OSTM1: variants seen among roughly 807,000 people sequenced by gnomAD.
OSTM1 encodes the protein osteoclastogenesis associated transmembrane protein 1, also known as osteopetrosis-associated transmembrane protein 1.
A neutral mutation model predicts 35.4 loss-of-function variants in OSTM1; 26 were observed. The observed-to-expected ratio is 0.73, with a 90% CI of 0.54 to 1.02. OSTM1 has a LOEUF of 1.02. OSTM1 is among the 50% of genes least tolerant of loss of function. The pLI, the probability that OSTM1 is intolerant of heterozygous loss-of-function variation, is 0.00. For missense variants in OSTM1, 366 were observed against 409.6 expected (o/e 0.89, Z 0.92); for synonymous variants, 181 against 165.0 (o/e 1.10, Z -0.75).
intron 3 of OSTM1, among the ~76,000 whole-genome samples, chr6:108,052,876 A>G (rs984072348): frequency 9.2e-5 from 14 of 152,186 alleles, no homozygotes. Context: ...AGTAATTCAG[A>G]TAAGATGCAC....
Position 108,044,585 on chromosome 6 carries a change from G to T in OSTM1, c.*200C>A. 2.1e-6 allele frequency: 1 copy of T among 465,282 alleles called. No homozygotes were observed. 28.8% of individuals were successfully genotyped at this position (465,282 alleles called of 1,614,324 possible). ...AAAATAGATAACATTGCTATGCCTG[G>T]AAATTAAAAATATCCAAATCTGTTA... On this transcript the variant is annotated 3_prime_UTR_variant, in exon 6 of 6. Transcript: ENST00000193322.
At chr6:108,064,921 AG>A (rs1396567667) in intron 1 of OSTM1, among the ~76,000 whole-genome samples, 1 of 152,208 alleles carries the variant, frequency 6.6e-6, no homozygotes, top group East Asian at 1.9e-4. Flanking sequence ...GAAAAGAGGG[AG>A]AAAAGGAAGA....
At chr6:108,072,981 G>GT (rs1353104255) in intron 1 of OSTM1, among the ~76,000 whole-genome samples, 1 of 152,136 alleles carries the variant, frequency 6.6e-6, no homozygotes, top group African/African-American at 2.4e-5. Context: ...GATAATTTTT[G>GT]TATTTTTAGT....
In OSTM1 at chr6:108,042,968, C is replaced by T. The variant is rs979434928; in HGVS notation, c.*1817G>A. 2.6e-5 allele frequency: 4 copies of T among 152,084 alleles called. No homozygotes were observed. Among genetic ancestry groups the T allele is most frequent in the East Asian group, 1.9e-4 (1 of 5,198 alleles). The allele number at this position is 152,084 out of a possible 1,614,324, so 9.4% of individuals were successfully genotyped here. The stretch of plus-strand genomic sequence containing the variant: ...GAAAAACTTACACACTTTAGGGTAG[C>T]GCTTAATACTTATCTTTGAAATCTA... On this transcript the variant is annotated 3_prime_UTR_variant, in exon 6 of 6. Transcript: ENST00000193322.
intron 1 of OSTM1, among the ~76,000 whole-genome samples, chr6:108,065,773 T>C (rs116840652): frequency 0.017 from 2,535 of 152,298 alleles, 67 homozygotes; most frequent in African/African-American, 0.058. Context: ...TGAAGTGCTC[T>C]AAGTAGGTTT....
intron 2 of OSTM1, among the ~76,000 whole-genome samples, chr6:108,062,991 C>G (rs938333997): frequency 1.8e-4 from 2 of 11,078 alleles, no homozygotes; most frequent in East Asian, 3.2e-3. Context: ...CTGTGACTAC[C>G]TGCAATGTCC....
At chr6:108,058,563 T>A (rs533196599) in intron 2 of OSTM1, among the ~76,000 whole-genome samples, 4 of 152,266 alleles carry the variant, frequency 2.6e-5, no homozygotes, top group African/African-American at 9.6e-5. Flanking sequence ...CCGAGGCAGG[T>A]GGATCACGAG....
At chr6:108,060,788 AG>A (rs1772259325) in intron 2 of OSTM1, 1 of 152,220 alleles carries the variant, frequency 6.6e-6, no homozygotes, top group Non-Finnish European at 1.5e-5. Flanking sequence ...ATATAAATTT[AG>A]TCACATCTGT....
At chr6:108,067,828 T>TTAAAA (rs1772406181) in intron 1 of OSTM1, among the ~76,000 whole-genome samples, 1 of 77,802 alleles carries the variant, frequency 1.3e-5, no homozygotes, top group Non-Finnish European at 2.5e-5. Context: ...AGCCTCTGTC[T>TTAAAA]AAAAAAAAAA....
chr6:108,065,915 T>C (rs941675300), intron 1 of OSTM1, among the ~76,000 whole-genome samples: 5 of 152,134 alleles, frequency 3.3e-5, no homozygotes, highest in African/African-American at 9.7e-5. Flanking sequence ...AAGATATCAA[T>C]GTAGTTTTGA....
At chr6:108,066,637 G>A (rs1372986833) in intron 1 of OSTM1, among the ~76,000 whole-genome samples, 2 of 152,312 alleles carry the variant, frequency 1.3e-5, no homozygotes, top group Non-Finnish European at 1.5e-5. Context: ...GAGTGTGAAA[G>A]TGAGATCAGA....
At chr6:108,044,926 T>A in intron 5 of OSTM1, 86 bp from the exon 6 acceptor site, 1 of 657,968 alleles carries the variant, frequency 1.5e-6, no homozygotes, top group Non-Finnish European at 2.4e-6. Flanking sequence ...CTATAGTATT[T>A]ATCTATTAAT....
At chr6:108,071,360 T>C (rs959400596) in intron 1 of OSTM1, among the ~76,000 whole-genome samples, 2 of 150,818 alleles carry the variant, frequency 1.3e-5, no homozygotes, top group African/African-American at 4.9e-5. Context: ...GGTTGGAGAG[T>C]GGTGGCACTA....
chr6:108,065,458 G>A (rs958241774), intron 1 of OSTM1, among the ~76,000 whole-genome samples: 1 of 150,992 alleles, frequency 6.6e-6, no homozygotes, highest in Admixed American at 6.6e-5. Context: ...GACTGGTCTC[G>A]AACTCCTGAC....
chr6:108,049,391 G>T lies in OSTM1; in HGVS notation c.811C>A (p.Arg271=). 1.9e-6 allele frequency: 3 copies of T among 1,613,738 alleles called. No individual in the cohort carries two copies. The South Asian group carries it at 3.3e-5, about 18-fold the overall frequency. Residue 271 remains arginine, a synonymous_variant, in exon 5 of 6, where the codon CGA becomes AGA. Transcript: ENST00000193322. ...AMNITRKLWS[R]TFNCSVPCSD... Reference sequence around the variant, plus strand: ...CAAGGGACTGAACAGTTGAAAGTTCGACTCCATAGTTTTCGAGTGATGTTC... The same window carrying T: ...CAAGGGACTGAACAGTTGAAAGTTCTACTCCATAGTTTTCGAGTGATGTTC...
intron 2 of OSTM1, 80 bp downstream of exon 2, chr6:108,064,105 T>C: frequency 5.1e-6 from 4 of 789,550 alleles, no homozygotes; most frequent in Non-Finnish European, 9.0e-6. Context: ...GCTTCAAAGA[T>C]CCCAAAATTC....
intron 5 of OSTM1, among the ~76,000 whole-genome samples, chr6:108,048,830 C>A (rs1412836919): frequency 6.8e-6 from 1 of 146,646 alleles, no homozygotes; most frequent in Non-Finnish European, 1.5e-5. Context: ...CGGTTCACTG[C>A]AACCTCCGCC....
chr6:108,068,133 T>C (rs1329433553), intron 1 of OSTM1, among the ~76,000 whole-genome samples: 1 of 152,204 alleles, frequency 6.6e-6, no homozygotes, highest in Non-Finnish European at 1.5e-5. Context: ...CCCTTCCCTT[T>C]TCCTTGATTT....
Position 108,074,535 on chromosome 6 carries a change from C to T in OSTM1, c.117G>A (p.Pro39=). The T allele has an allele frequency of 6.4e-7, 1 of 1,556,646 alleles. No individual in the cohort carries two copies. ...ACAGGAGGTCGTGGAAGACCCTGTGCGGACTGCTGCCGAAGGGGAGCGCGC... is the reference window on the plus strand; with the variant it reads ...ACAGGAGGTCGTGGAAGACCCTGTGTGGACTGCTGCCGAAGGGGAGCGCGC... ...ALGALPFGSS[P]HRVFHDLLSE... Residue 39 remains proline, a synonymous_variant, in exon 1 of 6, where the codon CCG becomes CCA. Transcript: ENST00000193322.
Sources: gnomAD v4.1 joint callset for allele counts (sites outside exome capture counted in the v4.1 genomes callset) on GRCh38, gnomAD v4.1.1 for gene constraint, MANE v1.5 for transcripts, NCBI Gene and HGNC (gene_info 2026-07-23, HGNC 2026-07-21) for gene names.